DMD: variants seen among roughly 807,000 people sequenced by gnomAD.
DMD encodes the protein dystrophin, also known as mutant dystrophin.
In DMD, 63 loss-of-function variants were observed where a neutral mutation model predicts 330.1. The ratio of observed to expected loss-of-function variants is 0.19; its 90% CI spans 0.16 to 0.24. DMD has a LOEUF of 0.24. DMD is among the 10% of genes least tolerant of loss of function. The pLI, the probability that DMD is intolerant of heterozygous loss-of-function variation, is 1.00. For synonymous variants in DMD, 1,223 were observed against 959.8 expected (o/e 1.27, Z -5.07); for missense variants, 3,344 against 2,684.1 (o/e 1.25, Z -5.43).
At chrX:33,313,431 G>C (rs759238789) in intron 1 of DMD, among the ~76,000 whole-genome samples, 2 of 111,590 alleles carry the variant, frequency 1.8e-5, no homozygotes, top group African/African-American at 3.3e-5. Flanking sequence ...CAAATTGTAC[G>C]TCGAGATTAT....
intron 52 of DMD, among the ~76,000 whole-genome samples, chrX:31,724,718 T>A (rs1157556262): frequency 8.9e-6 from 1 of 112,096 alleles, no homozygotes; most frequent in Non-Finnish European, 1.9e-5. Context: ...TAACAATATG[T>A]ACCATTTAAT....
intron 4 of DMD, among the ~76,000 whole-genome samples, chrX:32,838,714 C>G (rs2079879908): frequency 8.9e-6 from 1 of 111,913 alleles, no homozygotes; most frequent in South Asian, 3.7e-4. Context: ...AAATGCAAAT[C>G]AAAACCACAA....
chrX:32,661,404 T>G (rs981800452), intron 9 of DMD, among the ~76,000 whole-genome samples: 6 of 110,939 alleles, frequency 5.4e-5, no homozygotes, highest in African/African-American at 2.0e-4. Flanking sequence ...GAGACCTGAT[T>G]CATAAAGGTT....
chrX:32,165,103 G>A (rs1216534329), intron 44 of DMD, among the ~76,000 whole-genome samples: 1 of 112,448 alleles, frequency 8.9e-6, no homozygotes, highest in Non-Finnish European at 1.9e-5. Context: ...GAAGGGAAAT[G>A]TGGGGTTGGA....
chrX:32,962,259 C>T (rs1206157960), intron 2 of DMD, among the ~76,000 whole-genome samples: 1 of 111,822 alleles, frequency 8.9e-6, no homozygotes, highest in African/African-American at 3.2e-5. Context: ...TCCAAGACAA[C>T]ATTGGCAGAC....
At chrX:31,641,603 T>C (rs1486567891) in intron 54 of DMD, among the ~76,000 whole-genome samples, 1 of 110,102 alleles carries the variant, frequency 9.1e-6, no homozygotes, top group Admixed American at 9.6e-5. Context: ...AGTGAGTAAG[T>C]GCAACATCTC....
chrX:32,795,771 A>G (rs1047298617), intron 7 of DMD, among the ~76,000 whole-genome samples: 8 of 111,991 alleles, frequency 7.1e-5, no homozygotes, highest in African/African-American at 2.6e-4. Context: ...ACAGTAAAAA[A>G]ATAATCACAT....
rs145964825 is a variant in DMD, at chrX:32,202,602, G to A, written c.6438+14314C>T. ...CTTGACCTAGTGATCTGCCTGCCTC[G>A]GCCTCCCAAAGTGCTGGGATTACAG... On this transcript the variant is annotated intron_variant, in intron 44 of 78. Transcript: ENST00000357033. Among the ~76,000 whole-genome samples, 630 of 111,795 alleles carry A rather than the reference G, an allele frequency of 5.6e-3. 4 individuals carry two copies. The highest frequency in any genetic ancestry group is 0.02 in the African/African-American group (601 of 30,765).
At position 32,755,285 on chromosome X, in the gene DMD, C is replaced by G. The variant is rs72626049; in HGVS notation, c.649+54208G>C. On this transcript the variant is annotated intron_variant, in intron 7 of 78. Transcript: ENST00000357033. ...TTACAGTATCAATTTCAAAGAAATT[C>G]TCTCCTCTAAAAATATTGTCTTCAG... Among the ~76,000 whole-genome samples, 65 of 105,899 alleles carry G rather than the reference C, an allele frequency of 6.1e-4. No individual in the cohort carries two copies. The East Asian group carries it at 0.012, about 20-fold the overall frequency. 92.0% of individuals were successfully genotyped at this position (105,899 alleles called of 115,157 possible). A position where few individuals can be genotyped will look rare whatever the true frequency, so the allele number is the denominator to read the frequency against.
At chrX:32,997,320 A>G (rs2093149787) in intron 2 of DMD, among the ~76,000 whole-genome samples, 2 of 107,235 alleles carry the variant, frequency 1.9e-5, no homozygotes, top group Non-Finnish European at 3.8e-5. Flanking sequence ...ATCTCGGCTC[A>G]CTGCAACCTC....
At chrX:32,464,764 G>T (rs2098395707) in intron 23 of DMD, 65 bp from the exon 24 acceptor site, 5 of 804,458 alleles carry the variant, frequency 6.2e-6, no homozygotes, top group Non-Finnish European at 9.5e-6. Flanking sequence ...ATTCATCATT[G>T]TGTTATGTCT....
At chrX:32,488,134 C>T (rs994419279) in intron 20 of DMD, among the ~76,000 whole-genome samples, 3 of 111,538 alleles carry the variant, frequency 2.7e-5, no homozygotes, top group Non-Finnish European at 5.7e-5. Context: ...TCAGTTGAGA[C>T]CTTAATGTTC....
chrX:31,203,318 A>AC, intron 67 of DMD, among the ~76,000 whole-genome samples: 1 of 108,417 alleles, frequency 9.2e-6, no homozygotes, highest in South Asian at 4.1e-4. Context: ...AAGAGAAAAA[A>AC]AAATTAGAAC....
intron 52 of DMD, among the ~76,000 whole-genome samples, chrX:31,706,477 T>C (rs1375972757): frequency 8.9e-6 from 1 of 111,797 alleles, no homozygotes; most frequent in Non-Finnish European, 1.9e-5. Flanking sequence ...TTCCAAATCC[T>C]GCCATCTTTT....
chrX:31,201,240 G>A (rs1180064197), intron 67 of DMD, among the ~76,000 whole-genome samples: 2 of 110,466 alleles, frequency 1.8e-5, no homozygotes, highest in Admixed American at 9.6e-5. Context: ...CAGGCGTGGC[G>A]GTCCATGCCT....
At chrX:32,877,890 C>T (rs1257469352) in intron 2 of DMD, among the ~76,000 whole-genome samples, 1 of 111,842 alleles carries the variant, frequency 8.9e-6, no homozygotes, top group East Asian at 2.8e-4. Context: ...CCTGCGATTG[C>T]TCCTTGCATG....
At chrX:32,730,404 C>A (rs775343182) in intron 7 of DMD, among the ~76,000 whole-genome samples, 1 of 111,884 alleles carries the variant, frequency 8.9e-6, no homozygotes, top group African/African-American at 3.3e-5. Context: ...TGATCCAATC[C>A]ATGAGTTTTA....
chrX:31,289,290 C>CAAAAAA (rs199636742), intron 62 of DMD, among the ~76,000 whole-genome samples: 1 of 75,975 alleles, frequency 1.3e-5, no homozygotes, highest in African/African-American at 5.7e-5. Context: ...AAATCCATCT[C>CAAAAAA]AAAAAAAAAA....
chrX:32,947,032 G>A (rs957229313), intron 2 of DMD, among the ~76,000 whole-genome samples: 6 of 112,147 alleles, frequency 5.4e-5, no homozygotes, highest in East Asian at 2.8e-4. Context: ...TTTCGTAAAC[G>A]CAGCTGCTTT....
Sources: gnomAD v4.1 joint callset for allele counts (sites outside exome capture counted in the v4.1 genomes callset) on GRCh38, gnomAD v4.1.1 for gene constraint, MANE v1.5 for transcripts, NCBI Gene and HGNC (gene_info 2026-07-23, HGNC 2026-07-21) for gene names.